GOLGA7: variants seen among roughly 807,000 people sequenced by gnomAD.
The protein encoded by GOLGA7 is golgin subfamily A member 7.
A neutral mutation model predicts 21.1 loss-of-function variants in GOLGA7; 10 were observed. That is an observed-to-expected ratio of 0.47 (90% CI 0.29 to 0.80). The LOEUF is 0.80. Ranked by LOEUF, GOLGA7 falls within the 30% of genes least tolerant of loss-of-function variation. GOLGA7 has a pLI of 0.08. For missense variants in GOLGA7, 114 were observed against 166.8 expected, an observed-to-expected ratio of 0.68 and a Z score of 1.74; for synonymous variants, 64 against 62.6, an observed-to-expected ratio of 1.02 and a Z score of -0.10.
intron 1 of GOLGA7, among the ~76,000 whole-genome samples, chr8:41,491,918 G>C (rs1805893938): frequency 6.6e-6 from 1 of 152,162 alleles, no homozygotes; most frequent in Non-Finnish European, 1.5e-5. Flanking sequence ...GCATTCCTTG[G>C]GTGTGGGACT....
At chr8:41,502,206 A>G (rs1358006142) in intron 2 of GOLGA7, among the ~76,000 whole-genome samples, 1 of 152,234 alleles carries the variant, frequency 6.6e-6, no homozygotes, top group Non-Finnish European at 1.5e-5. Context: ...TGATAAAATG[A>G]TTAAAATGTA....
intron 1 of GOLGA7, among the ~76,000 whole-genome samples, chr8:41,491,675 T>TAA (rs11321591): frequency 6.7e-6 from 1 of 148,640 alleles, no homozygotes; most frequent in East Asian, 2.0e-4. Flanking sequence ...AGCAAAACTT[T>TAA]AAAAAAAAAA....
chr8:41,493,925 A>G (rs1239127193), intron 1 of GOLGA7, among the ~76,000 whole-genome samples: 1 of 152,212 alleles, frequency 6.6e-6, no homozygotes, highest in African/African-American at 2.4e-5. Flanking sequence ...GTAAGATACA[A>G]ATGCCAACAT....
At chr8:41,495,799 A>G (rs2150439245) in intron 1 of GOLGA7, among the ~76,000 whole-genome samples, 1 of 152,308 alleles carries the variant, frequency 6.6e-6, no homozygotes, top group East Asian at 1.9e-4. Context: ...GAATGGCAGT[A>G]TTGGATGATT....
At chr8:41,501,662 C>A (rs970602946) in intron 2 of GOLGA7, among the ~76,000 whole-genome samples, 1 of 152,206 alleles carries the variant, frequency 6.6e-6, no homozygotes, top group Admixed American at 6.5e-5. Context: ...TCCCAAAGTG[C>A]TAGGGCTACA....
chr8:41,504,244 G>A (rs527709177), intron 2 of GOLGA7, among the ~76,000 whole-genome samples: 187 of 152,050 alleles, frequency 1.2e-3, no homozygotes, highest in Non-Finnish European at 2.2e-3. Context: ...GAAAGGAGAC[G>A]GAAAGCTGTT....
intron 1 of GOLGA7, among the ~76,000 whole-genome samples, chr8:41,494,952 A>G (rs1456887913): frequency 6.6e-6 from 1 of 152,036 alleles, no homozygotes; most frequent in Non-Finnish European, 1.5e-5. Context: ...GGCCAGGTGC[A>G]GGTGGCTCTT....
At chr8:41,494,652 G>C (rs1350589561) in intron 1 of GOLGA7, among the ~76,000 whole-genome samples, 1 of 152,156 alleles carries the variant, frequency 6.6e-6, no homozygotes, top group Non-Finnish European at 1.5e-5. Flanking sequence ...ACAAGGGGTA[G>C]CTCAGTGAAG....
At chr8:41,500,050 CAGGG>C in intron 2 of GOLGA7, among the ~76,000 whole-genome samples, 1 of 152,210 alleles carries the variant, frequency 6.6e-6, no homozygotes, top group Non-Finnish European at 1.5e-5. Flanking sequence ...AGTGAAGGCT[CAGGG>C]GATTTGTTTG....
Position 41,510,297 on chromosome 8 carries a change from G to A in GOLGA7, c.*729G>A, listed in dbSNP as rs575568993. On this transcript the variant is annotated 3_prime_UTR_variant, in exon 5 of 5. Coordinates refer to ENST00000357743, the MANE Select transcript of GOLGA7 (RefSeq NM_001002296.2). ...CTTGAATGTTGGAAAGATATGATAC[G>A]TGCTGCTTGTTCATCACAAAAATCA... is the stretch of plus-strand genomic sequence containing the variant. 8.0e-4 allele frequency: 122 copies of A among 152,608 alleles called. No individual in the cohort carries two copies. The highest frequency in any genetic ancestry group is 2.8e-3 in the African/African-American group (117 of 41,498). 9.5% of individuals were successfully genotyped at this position (152,608 alleles called of 1,614,324 possible).
At chr8:41,503,822 A>C (rs1449345206) in intron 2 of GOLGA7, among the ~76,000 whole-genome samples, 3 of 147,994 alleles carry the variant, frequency 2.0e-5, no homozygotes, top group Non-Finnish European at 4.5e-5. Flanking sequence ...GTAGCCTTGT[A>C]GTATAGTTTG....
At chr8:41,507,642 T>G (rs1251928295) in intron 4 of GOLGA7, among the ~76,000 whole-genome samples, 1 of 152,190 alleles carries the variant, frequency 6.6e-6, no homozygotes, top group Non-Finnish European at 1.5e-5. Context: ...TTCCTTTGTT[T>G]AAAGTATTAA....
At chr8:41,500,910 T>C (rs1432606194) in intron 2 of GOLGA7, among the ~76,000 whole-genome samples, 2 of 152,132 alleles carry the variant, frequency 1.3e-5, no homozygotes, top group African/African-American at 2.4e-5. Flanking sequence ...ATAGTTGGTA[T>C]GAATGTAGGA....
rs1806400244 is a variant in GOLGA7 at position 41,510,630 on chromosome 8, C to T, written c.*1062C>T. On this transcript the variant is annotated 3_prime_UTR_variant, in exon 5 of 5. Transcript: ENST00000357743. Reference sequence around the variant, plus strand: ...CAAGTCTGAGTCCATATTTGTAGCTCTGCTTTTGGCTGTACGTTCCTAGGA... The same window carrying T: ...CAAGTCTGAGTCCATATTTGTAGCTTTGCTTTTGGCTGTACGTTCCTAGGA... The T allele has an allele frequency of 6.6e-6, 1 of 152,626 alleles. No homozygotes were observed. The allele number at this position is 152,626 out of a possible 1,614,324, so 9.5% of individuals were successfully genotyped here.
rs768942863 is a variant in GOLGA7, at chr8:41,504,130, A to AAAC, written c.265-1779_265-1778insCAA. 1.1e-4 allele frequency among the ~76,000 whole-genome samples: 14 copies of AAAC among 132,904 alleles called. 1 individual carries two copies. In the South Asian group the frequency reaches 1.1e-3, roughly 11 times the overall value. 87.2% of individuals were successfully genotyped at this position (132,904 alleles called of 152,430 possible). On this transcript the variant is annotated intron_variant, in intron 2 of 4. Transcript: ENST00000357743. Reference sequence around the variant, plus strand: ...AAACTTAGAGTATAATAAAAAAAAAAAAAAAACAAAACAAAACAAAAAAAA... The same window carrying AAAC: ...AAACTTAGAGTATAATAAAAAAAAAAAACAAAAAACAAAACAAAACAAAAAAAA...
Position 41,505,788 on chromosome 8 carries a change from C to T in GOLGA7, c.265-123C>T, listed in dbSNP as rs550196548. ...CCAAGTAATCACAGCTGTATTCCAC[C>T]ATATGAATATCCATGTGACTTGCCT... On this transcript the variant is annotated intron_variant, in intron 2 of 4. Transcript: ENST00000357743. 35 of 572,722 alleles carry T rather than the reference C, an allele frequency of 6.1e-5. No individual in the cohort carries two copies. The South Asian group carries it at 7.7e-4, about 13-fold the overall frequency. 35.5% of individuals were successfully genotyped at this position (572,722 alleles called of 1,614,324 possible). A position where few individuals can be genotyped will look rare whatever the true frequency, so the allele number is the denominator to read the frequency against.
At chr8:41,500,348 G>A (rs1049721946) in intron 2 of GOLGA7, among the ~76,000 whole-genome samples, 7 of 152,184 alleles carry the variant, frequency 4.6e-5, no homozygotes, top group African/African-American at 1.7e-4. Context: ...TGAAAAGCCT[G>A]GGGCATTAAG....
At chr8:41,507,811 G>A (rs1806324796) in intron 4 of GOLGA7, among the ~76,000 whole-genome samples, 1 of 152,152 alleles carries the variant, frequency 6.6e-6, no homozygotes, top group East Asian at 1.9e-4. Context: ...TTTTAGTTAC[G>A]TGGTCTTCCT....
rs763464767 is a variant in GOLGA7 at position 41,490,949 on chromosome 8, C to G, written c.95C>G (p.Ala32Gly). ...TRCQFQTKFP[A>G]ELENRIDRQQ... ...TGCCAGTTCCAGACCAAGTTCCCTG[C>G]GGAGCTGGAGAACCGGGTACGCAAC... Residue 32 changes from alanine to glycine, a missense_variant, in exon 1 of 5, where the codon GCG (alanine) becomes GGG (glycine). By Grantham distance (60) the Ala-to-Gly change is moderately conservative. Coordinates refer to ENST00000357743, the MANE Select transcript of GOLGA7 (RefSeq NM_001002296.2). 2.8e-5 allele frequency: 44 copies of G among 1,573,330 alleles called. No individual in the cohort carries two copies. The South Asian group carries it at 4.7e-4, about 17-fold the overall frequency.
Sources: allele counts gnomAD v4.1 joint callset (sites outside exome capture counted in the v4.1 genomes callset), GRCh38; gene constraint gnomAD v4.1.1; transcripts MANE v1.5; gene names NCBI Gene and HGNC (gene_info 2026-07-23, HGNC 2026-07-21).